TTN: variants seen among roughly 807,000 people sequenced by gnomAD.
TTN encodes titin, also known as connectin.
In TTN, 1,525 loss-of-function variants were observed where a neutral mutation model predicts 3,223.0. The observed-to-expected ratio is 0.47, with a 90% confidence interval of 0.45 to 0.49. The LOEUF (loss-of-function observed/expected upper bound fraction) is 0.49, where lower values mean the gene tolerates loss of function less well. Among genes scored for constraint, TTN ranks in the 20% least tolerant of loss-of-function variants. The pLI is 0.00. For synonymous variants in TTN, 14,094 were observed against 15,161.0 expected (o/e 0.93, Z 5.17); for missense variants, 40,786 against 43,424.0 (o/e 0.94, Z 5.40).
Position 178,748,233 on chromosome 2 carries a change from A to G in TTN, c.11311+4891T>C, listed in dbSNP as rs548985739. 125 of 1,613,006 alleles carry G rather than the reference A, an allele frequency of 7.7e-5. 4 individuals are homozygous for G. The South Asian group carries it at 1.3e-3, about 17-fold the overall frequency. ...TCACTATAGATTTCTTCAGAAAAGG[A>G]TTTAAGAGAAAGATCAGTTTTTAAA... On this transcript the variant is annotated intron_variant, in intron 47 of 362. Coordinates refer to ENST00000589042, the MANE Select transcript of TTN (RefSeq NM_001267550.2).
Position 178,734,806 on chromosome 2 carries a change from C to G in TTN, c.15118G>C (p.Asp5040His). Reference sequence around the variant, plus strand: ...TCTTCAACTTTTACATCCGTAATATCAAGTATAGCCTCAGAATTGACAAAA... The same window carrying G: ...TCTTCAACTTTTACATCCGTAATATGAAGTATAGCCTCAGAATTGACAAAA... Reference protein sequence around the residue: ...MYFVNSEAILDITDVKVEDSG... With the variant: ...MYFVNSEAILHITDVKVEDSG... Residue 5040 changes from aspartate to histidine, a missense_variant, in exon 51 of 363, where the codon GAT (aspartate) becomes CAT (histidine). Coordinates refer to ENST00000589042, the MANE Select transcript of TTN (RefSeq NM_001267550.2). 1.2e-6 allele frequency: 2 copies of G among 1,613,828 alleles called. No homozygotes were observed. Among genetic ancestry groups the G allele is most frequent in the Non-Finnish European group, 1.7e-6 (2 of 1,179,782 alleles).
In TTN at chr2:178,590,732, T is replaced by C. The variant is rs886044085; in HGVS notation, c.60993A>G (p.Arg20331=). The change falls in exon 304 of 363, where the codon AGA becomes AGG. Residue 20331 remains arginine, a synonymous_variant. Coordinates refer to ENST00000589042, the MANE Select transcript of TTN (RefSeq NM_001267550.2). The part of the protein sequence containing the change: ...NKTPIADLKF[R]VTGLYEGNTY... Reference sequence around the variant, plus strand: ...TATTTCCTTCATAGAGTCCAGTCACTCTGAACTTCAGGTCAGCGATAGGTG... The same window carrying C: ...TATTTCCTTCATAGAGTCCAGTCACCCTGAACTTCAGGTCAGCGATAGGTG... The C allele has an allele frequency of 3.7e-6, 6 of 1,612,142 alleles. No homozygotes were observed. Among genetic ancestry groups the C allele is most frequent in the Non-Finnish European group, 5.1e-6 (6 of 1,178,860 alleles).
Position 178,652,153 on chromosome 2 carries a change from G to T in TTN, c.39238C>A (p.Pro13080Thr), listed in dbSNP as rs1654659883. 4 of 1,611,994 alleles carry T rather than the reference G, an allele frequency of 2.5e-6. No homozygotes were observed. The highest frequency in any genetic ancestry group is 1.3e-5 in the African/African-American group (1 of 74,796). Residue 13080 changes from proline to threonine, a missense_variant, in exon 204 of 363, where the codon CCA becomes ACA. Physicochemically the swap from Pro to Thr is conservative, Grantham distance 38. Transcript: ENST00000589042. ...ATAGCTTCAGGCACCTTCTTTTCTGGGACAGCTACCTTTGGCACCTCTGGG... is the reference window on the plus strand; with the variant it reads ...ATAGCTTCAGGCACCTTCTTTTCTGTGACAGCTACCTTTGGCACCTCTGGG... ...KVPEVPKVAV[P>T]EKKVPEAIPP...
Position 178,775,997 on chromosome 2 carries a change from T to A in TTN, c.5867A>T (p.Lys1956Met). 1 of 1,614,166 alleles carries A rather than the reference T, an allele frequency of 6.2e-7. No homozygotes were observed. The highest frequency in any genetic ancestry group is 8.5e-7 in the Non-Finnish European group (1 of 1,180,004). ...CACTTTTTGTACTTCAAACTGAAGC[T>A]TTCCTGGTTCATGTACGTGAAACTC... The part of the protein sequence containing the change: ...RPEFHVHEPG[K>M]LQFEVQKVDR... Residue 1956 changes from lysine (K) to methionine (M), a missense_variant, in exon 28 of 363, where the codon AAG becomes ATG. Transcript: ENST00000589042.
At chr2:178,667,352 G>A (rs769864069) in intron 161 of TTN, 33 bp from the exon 162 acceptor site, 4 of 1,574,986 alleles carry the variant, frequency 2.5e-6, no homozygotes, top group South Asian at 2.3e-5. Flanking sequence ...ACATTTAAAA[G>A]TTGTAAAAAC....
In TTN at chr2:178,739,302, A is replaced by G; in HGVS notation, c.13931T>C (p.Val4644Ala). 1 of 1,613,444 alleles carries G rather than the reference A, an allele frequency of 6.2e-7. No homozygotes were observed. The highest frequency in any genetic ancestry group is 8.5e-7 in the Non-Finnish European group (1 of 1,179,588). ...ACACTTGAACTTTTCATCTGAAGGC[A>G]CCAGTTTATTCTCAAAATACCAATT... Reference protein sequence around the residue: ...EVNWYFENKLVPSDEKFKCLQ... With the variant: ...EVNWYFENKLAPSDEKFKCLQ... Residue 4644 changes from valine to alanine, a missense_variant, in exon 48 of 363, where the codon GTG (valine) becomes GCG (alanine). Transcript: ENST00000589042.
intron 102 of TTN, among the ~76,000 whole-genome samples, chr2:178,705,877 A>G (rs2075790643): frequency 6.6e-6 from 1 of 152,224 alleles, no homozygotes; most frequent in South Asian, 2.1e-4. Flanking sequence ...ATAGAAAAAA[A>G]GTTTCATACC....
chr2:178,725,982 A>G lies in TTN; in HGVS notation c.20340T>C (p.Leu6780=). The G allele has an allele frequency of 1.2e-6, 2 of 1,606,312 alleles. No individual in the cohort carries two copies. Among genetic ancestry groups the G allele is most frequent in the Non-Finnish European group, 1.7e-6 (2 of 1,175,644 alleles). Residue 6780 remains leucine (L), a synonymous_variant, in exon 70 of 363, where the codon CTT becomes CTC. Coordinates refer to ENST00000589042, the MANE Select transcript of TTN (RefSeq NM_001267550.2). ...GTGGTGTTCCCGAAAGTTCACATTC[A>G]AGACTGACTTCAGCATTTTTAAGGG... is the stretch of plus-strand genomic sequence containing the variant. ...VETLKNAEVS[L]ECELSGTPPF...
chr2:178,764,556 G>A lies in TTN; in HGVS notation c.9959C>T (p.Ala3320Val). 3 of 1,614,122 alleles carry A rather than the reference G, an allele frequency of 1.9e-6. No homozygotes were observed. The highest frequency in any genetic ancestry group is 2.5e-6 in the Non-Finnish European group (3 of 1,180,012). ...CACTGAGAGTGAAGCTGATGTTGTG[G>A]CAACACCATAGTCATTCTTGGCTTC... ...TCEAKNDYGV[A>V]TTSASLSVEV... The change falls in exon 42 of 363, where the codon GCC (alanine) becomes GTC (valine). Residue 3320 changes from alanine to valine, a missense_variant. Transcript: ENST00000589042.
In TTN at chr2:178,587,644, A is replaced by C. The variant is rs183595734; in HGVS notation, c.63665T>G (p.Val21222Gly). Residue 21222 changes from valine (V) to glycine (G), a missense_variant, in exon 306 of 363, where the codon GTT becomes GGT. Transcript: ENST00000589042. ...GAAGGCCATAGTGTCAACCAGATCA[A>C]CTTGTCCTTTTCTGACCACATTATC... The part of the protein sequence containing the change: ...GIDNVVRKGQ[V>G]DLVDTMAFLV... 4 of 1,612,726 alleles carry C rather than the reference A, an allele frequency of 2.5e-6. No homozygotes were observed. In the African/African-American group the frequency reaches 5.3e-5, roughly 22 times the overall value.
chr2:178,733,673 G>C lies in TTN; in HGVS notation c.15716C>G (p.Thr5239Arg). 6.2e-7 allele frequency: 1 copy of C among 1,613,592 alleles called. No individual in the cohort carries two copies. The highest frequency in any genetic ancestry group is 8.5e-7 in the Non-Finnish European group (1 of 1,179,648). ...TCCAGCTTCATTTTCAGCCAGGCAC[G>C]TGTATTTGCCTCCAAAACTAATCTG... is the stretch of plus-strand genomic sequence containing the variant. ...DVQISFGGKY[T>R]CLAENEAGSQ... Residue 5239 changes from threonine to arginine, a missense_variant, in exon 53 of 363, where the codon ACG becomes AGG. By Grantham distance (71) the Thr-to-Arg change is moderately conservative. Transcript: ENST00000589042.
At position 178,675,673 on chromosome 2, in the gene TTN, T is replaced by C; in HGVS notation, c.34535A>G (p.Lys11512Arg). 1 of 1,416,624 alleles carries C rather than the reference T, an allele frequency of 7.1e-7. No homozygotes were observed. The highest frequency in any genetic ancestry group is 9.1e-7 in the Non-Finnish European group (1 of 1,094,552). 87.8% of individuals were successfully genotyped at this position (1,416,624 alleles called of 1,614,324 possible). Residue 11512 changes from lysine (K) to arginine (R), a missense_variant and splice_region_variant, in exon 149 of 363, where the codon AAA (lysine) becomes AGA (arginine). Physicochemically the swap from Lys to Arg is conservative, Grantham distance 26 (BLOSUM62 2). Coordinates refer to ENST00000589042, the MANE Select transcript of TTN (RefSeq NM_001267550.2). ...GLKKAVAPPA[K>R]VPEVPKKVEE... The stretch of plus-strand genomic sequence containing the variant: ...ATCCCTGTTATGGGATGATGTACCT[T>C]TGGCAGGAGGGGCCACTGCTTTCTT...
At position 178,784,122 on chromosome 2, in the gene TTN, C is replaced by T. The variant is rs1352321170; in HGVS notation, c.2723G>A (p.Gly908Asp). ...AAAGCGCTCTTCACGGACGGTGGTG[C>T]CAGTGATGCTCACCCCTACTTCCTT... ...VKKEVGVSIT[G>D]TTVREERFEV... The change falls in exon 16 of 363, where the codon GGC (glycine) becomes GAC (aspartate). Residue 908 changes from glycine to aspartate, a missense_variant. Gly to Asp is a moderately conservative substitution (Grantham distance 94, BLOSUM62 -1). Coordinates refer to ENST00000589042, the MANE Select transcript of TTN (RefSeq NM_001267550.2). 1.2e-6 allele frequency: 2 copies of T among 1,614,030 alleles called. No homozygotes were observed. Among genetic ancestry groups the T allele is most frequent in the Non-Finnish European group, 8.5e-7 (1 of 1,179,980 alleles).
chr2:178,694,669 T>C lies in TTN; in HGVS notation c.31356A>G (p.Glu10452=). Residue 10452 remains glutamate, a synonymous_variant, in exon 117 of 363, where the codon GAA becomes GAG. Coordinates refer to ENST00000589042, the MANE Select transcript of TTN (RefSeq NM_001267550.2). The part of the protein sequence containing the change: ...EEKVQVTKVP[E]VSKKIVPQKP... ...TTTGTGGAACAATCTTCTTTGAAACTTCAGGTACTTTAAAAATATGTACAA... is the reference window on the plus strand; with the variant it reads ...TTTGTGGAACAATCTTCTTTGAAACCTCAGGTACTTTAAAAATATGTACAA... 6.5e-7 allele frequency: 1 copy of C among 1,549,034 alleles called. No homozygotes were observed. Among genetic ancestry groups the C allele is most frequent in the South Asian group, 1.2e-5 (1 of 82,190 alleles).
In TTN at chr2:178,587,931, A is replaced by G; in HGVS notation, c.63476T>C (p.Leu21159Pro). The part of the protein sequence containing the change: ...NQVGIGRPAE[L>P]KEAIKPKEIL... ...TTCTTTAGGTTTGATAGCTTCCTTT[A>G]GCTCTGCAGGGCGCCCAATACCAAC... Residue 21159 changes from leucine (L) to proline (P), a missense_variant, in exon 305 of 363, where the codon CTA becomes CCA. Leu to Pro is a moderately conservative substitution (Grantham distance 98, BLOSUM62 -3). Coordinates refer to ENST00000589042, the MANE Select transcript of TTN (RefSeq NM_001267550.2). 6.2e-7 allele frequency: 1 copy of G among 1,604,920 alleles called. No individual in the cohort carries two copies. The highest frequency in any genetic ancestry group is 8.5e-7 in the Non-Finnish European group (1 of 1,174,440).
At position 178,734,303 on chromosome 2, in the gene TTN, A is replaced by G. The variant is rs757570106; in HGVS notation, c.15496+25T>C. On this transcript the variant is annotated intron_variant, in intron 52 of 362. Coordinates refer to ENST00000589042, the MANE Select transcript of TTN (RefSeq NM_001267550.2). ...AAGCTAGTTTGACAATTTATTAAAG[A>G]GACATTAGTTTTTCAAGCACTAACC... The G allele has an allele frequency of 5.9e-6, 9 of 1,535,880 alleles. No individual in the cohort carries two copies. In the South Asian group the frequency reaches 1.0e-4, roughly 18 times the overall value.
Position 178,747,172 on chromosome 2 carries a change from G to T in TTN, c.11312-5251C>A, listed in dbSNP as rs143135505. On this transcript the variant is annotated intron_variant, in intron 47 of 362. Coordinates refer to ENST00000589042, the MANE Select transcript of TTN (RefSeq NM_001267550.2). Reference sequence around the variant, plus strand: ...AATATCTCTCTAGAGTCTCTCCTGGGGGTGTGGAGTATCTCTCTAGAGTCT... The same window carrying T: ...AATATCTCTCTAGAGTCTCTCCTGGTGGTGTGGAGTATCTCTCTAGAGTCT... The T allele has an allele frequency of 2.4e-4, 387 of 1,608,774 alleles. 19 individuals are homozygous for T. In the African/African-American group the frequency reaches 4.7e-3, roughly 20 times the overall value.
Position 178,734,747 on chromosome 2 carries a change from G to T in TTN, c.15177C>A (p.Asp5059Glu), listed in dbSNP as rs74607159. ...CAGTACTGCAGCTATCACTGCCGAC[G>T]TCATTCACTGCTTCACATGAGTAAC... ...SGSYSCEAVN[D>E]VGSDSCSTEI... is the part of the protein sequence containing the mutation. Residue 5059 changes from aspartate (D) to glutamate (E), a missense_variant, in exon 51 of 363, where the codon GAC (aspartate) becomes GAA (glutamate). Coordinates refer to ENST00000589042, the MANE Select transcript of TTN (RefSeq NM_001267550.2). 1 of 1,613,216 alleles carries T rather than the reference G, an allele frequency of 6.2e-7. No individual in the cohort carries two copies. Among genetic ancestry groups the T allele is most frequent in the Non-Finnish European group, 8.5e-7 (1 of 1,179,384 alleles).
Position 178,727,294 on chromosome 2 carries a change from T to C in TTN, c.20071A>G (p.Ile6691Val), listed in dbSNP as rs1429994006. The change falls in exon 69 of 363, where the codon ATA (isoleucine) becomes GTA (valine). Residue 6691 changes from isoleucine (I) to valine (V), a missense_variant. Coordinates refer to ENST00000589042, the MANE Select transcript of TTN (RefSeq NM_001267550.2). ...ACTCTGATTTCTGGGGATCCAGCTA[T>C]CTTGCATTCAAGTCGTGAAGAGTCA... ...AGDSSRLECK[I>V]AGSPEIRVVW... The C allele has an allele frequency of 2.5e-6, 4 of 1,612,976 alleles. No homozygotes were observed. Among genetic ancestry groups the C allele is most frequent in the African/African-American group, 1.3e-5 (1 of 74,880 alleles).
Sources: gnomAD v4.1 joint callset for allele counts (sites outside exome capture counted in the v4.1 genomes callset) on GRCh38, gnomAD v4.1.1 for gene constraint, MANE v1.5 for transcripts, NCBI Gene and HGNC (gene_info 2026-07-23, HGNC 2026-07-21) for gene names.